Variants in ZNHIT6 observed in about 807,000 individuals in gnomAD.
The protein encoded by ZNHIT6 is zinc finger HIT-type containing 6.
A neutral mutation model predicts 57.2 loss-of-function variants in ZNHIT6; 45 were observed. The ratio of observed to expected loss-of-function variants is 0.79; its 90% CI spans 0.62 to 1.01. The LOEUF (loss-of-function observed/expected upper bound fraction) is 1.01, where lower values mean the gene tolerates loss of function less well. Among genes scored for constraint, ZNHIT6 ranks in the 50% least tolerant of loss-of-function variants. The pLI is 0.00. For missense variants in ZNHIT6, 528 were observed against 567.3 expected, an observed-to-expected ratio of 0.93 and a Z score of 0.70; for synonymous variants, 188 against 190.0, an observed-to-expected ratio of 0.99 and a Z score of 0.09.
At position 85,650,605 on chromosome 1, in the gene ZNHIT6, A is replaced by C. The variant is rs1470174800; in HGVS notation, c.*3453T>G. 6.6e-6 allele frequency: 1 copy of C among 152,192 alleles called. No individual in the cohort carries two copies. The highest frequency in any genetic ancestry group is 1.5e-5 in the Non-Finnish European group (1 of 68,054). 9.4% of individuals were successfully genotyped at this position (152,192 alleles called of 1,614,324 possible). A position where few individuals can be genotyped will look rare whatever the true frequency, so the allele number is the denominator to read the frequency against. Reference sequence around the variant, plus strand: ...GTAACTTATTTTTAAAAAGAGTTTTATTTGGCTCATGATTCTGGTGGCTGG... The same window carrying C: ...GTAACTTATTTTTAAAAAGAGTTTTCTTTGGCTCATGATTCTGGTGGCTGG... On this transcript the variant is annotated 3_prime_UTR_variant, in exon 10 of 10. Coordinates refer to ENST00000370574, the MANE Select transcript of ZNHIT6 (RefSeq NM_017953.4).
intron 8 of ZNHIT6, among the ~76,000 whole-genome samples, chr1:85,677,019 A>C (rs186301669): frequency 2.6e-5 from 4 of 152,208 alleles, no homozygotes; most frequent in African/African-American, 7.2e-5. Context: ...TATTTCCCCT[A>C]TATCAGTTGA....
intron 5 of ZNHIT6, among the ~76,000 whole-genome samples, chr1:85,697,654 G>A (rs1318602181): frequency 2.6e-5 from 4 of 151,932 alleles, no homozygotes; most frequent in Non-Finnish European, 4.4e-5. Flanking sequence ...TCTTTTTTCA[G>A]ATTTTTCCAG....
rs1046725592 is a variant in ZNHIT6, at chr1:85,684,927, C to G, written c.1020-4023G>C. 2.6e-5 allele frequency among the ~76,000 whole-genome samples: 4 copies of G among 152,130 alleles called. No homozygotes were observed. In the East Asian group the frequency reaches 7.7e-4, roughly 29 times the overall value. Reference sequence around the variant, plus strand: ...CATTAGGTCCTTTTAAATGGCACTGCTCTAATGTCACAATAAGATGTTCAA... The same window carrying G: ...CATTAGGTCCTTTTAAATGGCACTGGTCTAATGTCACAATAAGATGTTCAA... On this transcript the variant is annotated intron_variant, in intron 5 of 9. Transcript: ENST00000370574.
intron 5 of ZNHIT6, among the ~76,000 whole-genome samples, chr1:85,700,799 G>T (rs191166689): frequency 6.6e-6 from 1 of 152,196 alleles, no homozygotes; most frequent in Admixed American, 6.5e-5. Flanking sequence ...TTTGATAAAT[G>T]CAAGACATTA....
rs1367165511 is a variant in ZNHIT6, at chr1:85,698,983, T to C, written c.1019+3174A>G. On this transcript the variant is annotated intron_variant, in intron 5 of 9. Transcript: ENST00000370574. ...ACTTTAGTTGGTATTAAAATTTCAT[T>C]TAATCCTCTCAATAACCTGGTAAGT... 2.0e-5 allele frequency among the ~76,000 whole-genome samples: 3 copies of C among 152,222 alleles called. No individual in the cohort carries two copies. The East Asian group carries it at 5.8e-4, about 29-fold the overall frequency.
chr1:85,659,988 C>A (rs1557834402), intron 8 of ZNHIT6, among the ~76,000 whole-genome samples: 2 of 152,306 alleles, frequency 1.3e-5, no homozygotes, highest in Non-Finnish European at 2.9e-5. Context: ...TTCATACATT[C>A]TTTTCCCTGT....
chr1:85,685,589 CT>C (rs1420055173), intron 5 of ZNHIT6, among the ~76,000 whole-genome samples: 1 of 151,340 alleles, frequency 6.6e-6, no homozygotes, highest in East Asian at 1.9e-4. Context: ...CTTTTTTTTC[CT>C]TTTTTGAGAC....
At chr1:85,683,691 G>T (rs1661944329) in intron 5 of ZNHIT6, among the ~76,000 whole-genome samples, 1 of 151,808 alleles carries the variant, frequency 6.6e-6, no homozygotes, top group Non-Finnish European at 1.5e-5. Flanking sequence ...ACAAATATAT[G>T]TCCCACTTAA....
rs821384 is a variant in ZNHIT6, at chr1:85,666,589, G to A, written c.1248-8618C>T. On this transcript the variant is annotated intron_variant, in intron 8 of 9. Coordinates refer to ENST00000370574, the MANE Select transcript of ZNHIT6 (RefSeq NM_017953.4). Reference sequence around the variant, plus strand: ...GAAAGCTACCGAGACCTCAATAGTTGAGCTTATATCTGTCCGGTAAACACT... The same window carrying A: ...GAAAGCTACCGAGACCTCAATAGTTAAGCTTATATCTGTCCGGTAAACACT... Among the ~76,000 whole-genome samples the A allele has an allele frequency of 7.2e-3, 1,088 of 152,028 alleles. 4 individuals carry two copies. Among genetic ancestry groups the A allele is most frequent in the Non-Finnish European group, 0.011 (741 of 67,946 alleles).
rs1557861107 is a variant in ZNHIT6 at position 85,687,300 on chromosome 1, A to AAAAAAAAC, written c.1020-6397_1020-6396insGTTTTTTT. 3.1e-5 allele frequency among the ~76,000 whole-genome samples: 4 copies of AAAAAAAAC among 130,260 alleles called. 1 individual carries two copies. The East Asian group carries it at 1.0e-3, about 34-fold the overall frequency. 85.5% of individuals were successfully genotyped at this position (130,260 alleles called of 152,430 possible). On this transcript the variant is annotated intron_variant, in intron 5 of 9. Coordinates refer to ENST00000370574, the MANE Select transcript of ZNHIT6 (RefSeq NM_017953.4). ...CTATCTCAAAAAACAAAAAAAAAACAAAAAAAAAAAACAATTTAGAACCCA... is the reference window on the plus strand; with the variant it reads ...CTATCTCAAAAAACAAAAAAAAAACAAAAAAAACAAAAAAAAAAACAATTTAGAACCCA...
chr1:85,703,607 T>C (rs980838845), intron 4 of ZNHIT6, among the ~76,000 whole-genome samples: 3 of 152,122 alleles, frequency 2.0e-5, no homozygotes, highest in African/African-American at 7.2e-5. Flanking sequence ...AAATGGGAAC[T>C]CCTCTGTATA....
At chr1:85,667,375 A>G (rs929202230) in intron 8 of ZNHIT6, among the ~76,000 whole-genome samples, 1 of 152,158 alleles carries the variant, frequency 6.6e-6, no homozygotes. Context: ...TGCAGGAAAC[A>G]ATTCTTGTGT....
intron 8 of ZNHIT6, among the ~76,000 whole-genome samples, chr1:85,658,770 C>A (rs1344152005): frequency 6.6e-6 from 1 of 151,930 alleles, no homozygotes; most frequent in Non-Finnish European, 1.5e-5. Context: ...ACTCGGGAGG[C>A]TGAGGTGGGA....
chr1:85,671,632 G>C (rs1661559089), intron 8 of ZNHIT6, among the ~76,000 whole-genome samples: 1 of 152,044 alleles, frequency 6.6e-6, no homozygotes, highest in Non-Finnish European at 1.5e-5. Context: ...CAAAATACTT[G>C]AATAATACAC....
intron 8 of ZNHIT6, among the ~76,000 whole-genome samples, chr1:85,669,249 G>A (rs1371457028): frequency 6.6e-6 from 1 of 152,072 alleles, no homozygotes; most frequent in African/African-American, 2.4e-5. Flanking sequence ...AAGAGGTCAG[G>A]TGGGGCTCAC....
In ZNHIT6 at chr1:85,649,514, A is replaced by T. The variant is rs2100634095; in HGVS notation, c.*4544T>A. 1 of 152,298 alleles carries T rather than the reference A, an allele frequency of 6.6e-6. No homozygotes were observed. The highest frequency in any genetic ancestry group is 1.9e-4 in the East Asian group (1 of 5,190). 9.4% of individuals were successfully genotyped at this position (152,298 alleles called of 1,614,324 possible). A position where few individuals can be genotyped will look rare whatever the true frequency, so the allele number is the denominator to read the frequency against. ...ATGCTAAAGGATGCATTTGGTTCTAAAGTTCAAAATGAGTACAGTACATCA... is the reference window on the plus strand; with the variant it reads ...ATGCTAAAGGATGCATTTGGTTCTATAGTTCAAAATGAGTACAGTACATCA... On this transcript the variant is annotated 3_prime_UTR_variant, in exon 10 of 10. Coordinates refer to ENST00000370574, the MANE Select transcript of ZNHIT6 (RefSeq NM_017953.4).
At chr1:85,694,050 CA>C (rs1374326596) in intron 5 of ZNHIT6, among the ~76,000 whole-genome samples, 2 of 151,894 alleles carry the variant, frequency 1.3e-5, no homozygotes, top group Non-Finnish European at 1.5e-5. Flanking sequence ...AAGAAATGTA[CA>C]GGGGGAAAAA....
At chr1:85,702,363 A>G in intron 4 of ZNHIT6, 103 bp from the exon 5 acceptor site, 1 of 699,432 alleles carries the variant, frequency 1.4e-6, no homozygotes, top group East Asian at 2.7e-5. Flanking sequence ...TGAGAACCTA[A>G]GTGTTACAAC....
At chr1:85,702,027 T>C (rs1043130249) in intron 5 of ZNHIT6, 130 bp downstream of exon 5, 1 of 633,746 alleles carries the variant, frequency 1.6e-6, no homozygotes, top group Non-Finnish European at 2.7e-6. Context: ...TACAGTTATC[T>C]TGTCATGGAC....
Sources: allele counts gnomAD v4.1 joint callset (sites outside exome capture counted in the v4.1 genomes callset), GRCh38; gene constraint gnomAD v4.1.1; transcripts MANE v1.5; gene names NCBI Gene and HGNC (gene_info 2026-07-23, HGNC 2026-07-21).